Variants in RBL2 observed in about 807,000 individuals in gnomAD.
RBL2 encodes RB transcriptional corepressor like 2.
Under a neutral mutation model 126.0 loss-of-function variants are expected in RBL2, and 56 were observed. The ratio of observed to expected loss-of-function variants is 0.44; its 90% CI spans 0.36 to 0.56. The LOEUF (loss-of-function observed/expected upper bound fraction) is 0.56, where lower values mean the gene tolerates loss of function less well. RBL2 is among the 20% of genes least tolerant of loss of function. RBL2 has a pLI of 0.00. For missense variants in RBL2, 1,229 were observed against 1,398.2 expected (o/e 0.88, Z 1.93); for synonymous variants, 454 against 478.5 (o/e 0.95, Z 0.67).
chr16:53,474,273 G>C (rs1461377284), intron 17 of RBL2, among the ~76,000 whole-genome samples: 1 of 151,908 alleles, frequency 6.6e-6, no homozygotes, highest in African/African-American at 2.4e-5. Context: ...TTATAGGCGT[G>C]AGCCACTGCA....
Position 53,434,579 on chromosome 16 carries a change from C to A in RBL2, c.23C>A (p.Ser8Ter). MPSGGDQ[S>*]PPPPPPPPAA... is the part of the protein sequence containing the mutation. The stretch of plus-strand genomic sequence containing the variant: ...GCTATGCCGTCGGGAGGTGACCAGT[C>A]GCCACCGCCCCCGCCTCCCCCTCCG... The change falls in exon 1 of 22, where the codon TCG (serine) becomes TAG (stop). Residue 8 changes from serine to a stop codon, truncating the protein, a stop_gained. Coordinates refer to ENST00000262133, the MANE Select transcript of RBL2 (RefSeq NM_005611.4). LOFTEE classifies it high-confidence loss of function. The A allele has an allele frequency of 6.5e-7, 1 of 1,532,944 alleles. No homozygotes were observed. The highest frequency in any genetic ancestry group is 1.2e-5 in the South Asian group (1 of 82,678). The allele number at this position is 1,532,944 out of a possible 1,614,324, so 95.0% of individuals were successfully genotyped here. A position where few individuals can be genotyped will look rare whatever the true frequency, so the allele number is the denominator to read the frequency against.
chr16:53,447,699 T>C (rs1187294683), intron 4 of RBL2, among the ~76,000 whole-genome samples: 1 of 152,086 alleles, frequency 6.6e-6, no homozygotes, highest in Admixed American at 6.6e-5. Context: ...GGGTAGATTG[T>C]AGTGGCACAA....
rs541106817 is a variant in RBL2 at position 53,470,349 on chromosome 16, A to G, written c.2246-34A>G. ...CTGCCCGGAGAACCTCTTATTATCA[A>G]CATTTTCTTCATGCTTTTTTTCTCT... On this transcript the variant is annotated intron_variant, in intron 15 of 21. Transcript: ENST00000262133. 9.4e-6 allele frequency: 15 copies of G among 1,602,068 alleles called. No individual in the cohort carries two copies. The South Asian group carries it at 1.3e-4, about 14-fold the overall frequency.
chr16:53,454,013 A>G (rs920728615), intron 7 of RBL2, among the ~76,000 whole-genome samples: 3 of 152,176 alleles, frequency 2.0e-5, no homozygotes, highest in Admixed American at 1.3e-4. Context: ...TTCTTTTGGA[A>G]CTATATGGGT....
At chr16:53,487,672 G>A (rs1961230040) in intron 21 of RBL2, 2 of 152,254 alleles carry the variant, frequency 1.3e-5, no homozygotes, top group South Asian at 4.1e-4. Context: ...GTAAAATACT[G>A]TTAAAATGGA....
At chr16:53,439,512 A>T (rs2057993517) in intron 2 of RBL2, among the ~76,000 whole-genome samples, 1 of 152,206 alleles carries the variant, frequency 6.6e-6, no homozygotes, top group Admixed American at 6.5e-5. Flanking sequence ...ACTTAGAAAT[A>T]TGTGCACAGG....
intron 14 of RBL2, among the ~76,000 whole-genome samples, 178 bp downstream of exon 14, chr16:53,467,347 A>G (rs1342139048): frequency 6.6e-6 from 1 of 152,226 alleles, no homozygotes; most frequent in Non-Finnish European, 1.5e-5. Context: ...AGGAAAATGC[A>G]TGATATAACA....
Position 53,461,819 on chromosome 16 carries a change from G to A in RBL2, c.1425G>A (p.Gln475=). Residue 475 remains glutamine, a synonymous_variant, in exon 10 of 22, where the codon CAG becomes CAA. Transcript: ENST00000262133. Reference sequence around the variant, plus strand: ...TTGAAATATATTCTCAGCATTTCCAGCCAGACGAGGATTTCAGTAATTGTG... The same window carrying A: ...TTGAAATATATTCTCAGCATTTCCAACCAGACGAGGATTTCAGTAATTGTG... ...EMFEIYSQHF[Q]PDEDFSNCAK... is the part of the protein sequence containing the mutation. The A allele has an allele frequency of 6.2e-7, 1 of 1,612,370 alleles. No individual in the cohort carries two copies. The highest frequency in any genetic ancestry group is 8.5e-7 in the Non-Finnish European group (1 of 1,179,070).
intron 3 of RBL2, chr16:53,446,078 C>G (rs1416851348): frequency 2.0e-5 from 3 of 152,034 alleles, no homozygotes; most frequent in Non-Finnish European, 4.4e-5. Context: ...GGAGGTTAGT[C>G]AAGTTTTTTT....
intron 3 of RBL2, among the ~76,000 whole-genome samples, chr16:53,443,941 T>C (rs1312315867): frequency 6.6e-6 from 1 of 152,106 alleles, no homozygotes; most frequent in Non-Finnish European, 1.5e-5. Context: ...TTTTGGGGAA[T>C]TGACTATTTA....
At chr16:53,468,256 A>T (rs8056799) in intron 14 of RBL2, among the ~76,000 whole-genome samples, 8,815 of 152,218 alleles carry the variant, frequency 0.058, 638 homozygotes, top group African/African-American at 0.17. Flanking sequence ...GATTCACTCT[A>T]GGCTGGGCAT....
intron 10 of RBL2, 35 bp downstream of exon 10, chr16:53,461,885 T>G: frequency 6.5e-7 from 1 of 1,540,926 alleles, no homozygotes; most frequent in Non-Finnish European, 9.0e-7. Flanking sequence ...CTTTTATGTT[T>G]GAAGTTTAAC....
At position 53,461,835 on chromosome 16, in the gene RBL2, A is replaced by T. The variant is rs1452974573; in HGVS notation, c.1441A>T (p.Ser481Cys). 1 of 1,611,406 alleles carries T rather than the reference A, an allele frequency of 6.2e-7. No homozygotes were observed. The highest frequency in any genetic ancestry group is 2.2e-5 in the East Asian group (1 of 44,720). ...GCATTTCCAGCCAGACGAGGATTTCAGTAATTGTGCTAAAGGTAAGGTTTA... is the reference window on the plus strand; with the variant it reads ...GCATTTCCAGCCAGACGAGGATTTCTGTAATTGTGCTAAAGGTAAGGTTTA... ...SQHFQPDEDF[S>C]NCAKEIASKH... Residue 481 changes from serine to cysteine, a missense_variant, in exon 10 of 22, where the codon AGT becomes TGT. This residue lies in a region of RBL2 where 1,070 missense variants were observed against 1,274.3 expected (regional missense o/e 0.84). Transcript: ENST00000262133.
intron 10 of RBL2, among the ~76,000 whole-genome samples, chr16:53,462,309 C>T (rs1373320277): frequency 2.6e-5 from 4 of 152,024 alleles, no homozygotes; most frequent in Non-Finnish European, 4.4e-5. Flanking sequence ...GGGTGTTAGT[C>T]TTAAATGATA....
chr16:53,474,173 T>G (rs1960631366), intron 17 of RBL2, among the ~76,000 whole-genome samples: 1 of 152,162 alleles, frequency 6.6e-6, no homozygotes, highest in Admixed American at 6.5e-5. Context: ...TTTAAATTTT[T>G]TGTAGACAGG....
chr16:53,437,655 A>G (rs912740201), intron 1 of RBL2, among the ~76,000 whole-genome samples: 1 of 152,240 alleles, frequency 6.6e-6, no homozygotes, highest in African/African-American at 2.4e-5. Flanking sequence ...TTGATTAGGT[A>G]TAAAATTAGT....
Position 53,480,722 on chromosome 16 carries a change from T to G in RBL2, c.3037T>G (p.Tyr1013Asp). The part of the protein sequence containing the change: ...GDLIQFYNNI[Y>D]IKQIKTFAMK... Reference sequence around the variant, plus strand: ...CCTCATTCAGTTCTACAACAACATCTACATCAAACAGATTAAGACATTTGC... The same window carrying G: ...CCTCATTCAGTTCTACAACAACATCGACATCAAACAGATTAAGACATTTGC... Residue 1013 changes from tyrosine to aspartate, a missense_variant, in exon 20 of 22, where the codon TAC becomes GAC. Coordinates refer to ENST00000262133, the MANE Select transcript of RBL2 (RefSeq NM_005611.4). 6.2e-7 allele frequency: 1 copy of G among 1,613,494 alleles called. No homozygotes were observed. The highest frequency in any genetic ancestry group is 8.5e-7 in the Non-Finnish European group (1 of 1,179,980).
rs1031037993 is a variant in RBL2, at chr16:53,478,975, T to C, written c.2704-179T>C. ...TCCTATTGTTTTTATTGAATTTTAA[T>C]AGATATTCTTGAATCGATGTATCTT... On this transcript the variant is annotated intron_variant, in intron 17 of 21. Coordinates refer to ENST00000262133, the MANE Select transcript of RBL2 (RefSeq NM_005611.4). The C allele has an allele frequency of 1.4e-5, 8 of 589,658 alleles. No homozygotes were observed. The Admixed American group carries it at 1.6e-4, about 12-fold the overall frequency. The allele number at this position is 589,658 out of a possible 1,614,324, so 36.5% of individuals were successfully genotyped here. A position where few individuals can be genotyped will look rare whatever the true frequency, so the allele number is the denominator to read the frequency against.
rs1335060348 is a variant in RBL2 at position 53,479,141 on chromosome 16, T to G, written c.2704-13T>G. 18 of 1,606,818 alleles carry G rather than the reference T, an allele frequency of 1.1e-5. No homozygotes were observed. The East Asian group carries it at 4.0e-4, about 36-fold the overall frequency. On this transcript the variant is annotated splice_polypyrimidine_tract_variant and intron_variant, in intron 17 of 21. Coordinates refer to ENST00000262133, the MANE Select transcript of RBL2 (RefSeq NM_005611.4). ...GTTGCCATGTCTCTCAGAGCACTCT[T>G]ATTGTTTGCCAGGTCACAAAAGAAG...
Sources: allele counts gnomAD v4.1 joint callset (sites outside exome capture counted in the v4.1 genomes callset), GRCh38; gene constraint gnomAD v4.1.1; regional missense constraint gnomAD v4.1.1; transcripts MANE v1.5; gene names NCBI Gene and HGNC (gene_info 2026-07-23, HGNC 2026-07-21).